ATP23: variants seen among roughly 807,000 people sequenced by gnomAD.
ATP23 encodes the protein ATP23 metallopeptidase and ATP synthase assembly factor homolog, also known as mitochondrial inner membrane protease ATP23 homolog.
ATP23 carries 24 observed loss-of-function variants against 28.5 expected under a neutral mutation model. The ratio of observed to expected loss-of-function variants is 0.84; its 90% CI spans 0.61 to 1.18. The LOEUF (loss-of-function observed/expected upper bound fraction) is 1.18, where lower values mean the gene tolerates loss of function less well. Among genes scored for constraint, ATP23 ranks in the 50% most tolerant of loss-of-function variants. ATP23 has a pLI of 0.00. For synonymous variants in ATP23, 99 were observed against 108.6 expected (o/e 0.91, Z 0.55); for missense variants, 274 against 306.4 (o/e 0.89, Z 0.79).
chr12:57,946,195 T>A (rs1006704922), intron 2 of ATP23, among the ~76,000 whole-genome samples: 4 of 152,026 alleles, frequency 2.6e-5, no homozygotes, highest in African/African-American at 9.7e-5. Context: ...ACCATTCACC[T>A]TGGGTGATTA....
chr12:57,942,684 A>G (rs936058236), intron 1 of ATP23, among the ~76,000 whole-genome samples: 1 of 152,026 alleles, frequency 6.6e-6, no homozygotes, highest in South Asian at 2.1e-4. Flanking sequence ...CGGCCTCCCA[A>G]AGTGCTGGGA....
At chr12:57,943,407 C>T (rs997066150) in intron 1 of ATP23, among the ~76,000 whole-genome samples, 7 of 152,034 alleles carry the variant, frequency 4.6e-5, no homozygotes, top group Non-Finnish European at 8.8e-5. Flanking sequence ...GGGCTGGGTA[C>T]GGTGGCTCAT....
intron 3 of ATP23, chr12:57,949,899 A>G (rs1316467898): frequency 6.6e-6 from 1 of 152,344 alleles, no homozygotes; most frequent in Non-Finnish European, 1.5e-5. Flanking sequence ...TTAGTTTTGC[A>G]TATCTCAGTG....
intron 2 of ATP23, 78 bp downstream of exon 2, chr12:57,945,751 T>TTG: frequency 7.6e-7 from 1 of 1,321,034 alleles, no homozygotes; most frequent in Non-Finnish European, 1.1e-6. Flanking sequence ...TTAAGAGAAC[T>TTG]GCTTAAGATT....
At position 57,941,869 on chromosome 12, in the gene ATP23, C is replaced by A. The variant is rs1332016928; in HGVS notation, c.168C>A (p.Leu56=). 40 of 1,613,520 alleles carry A rather than the reference C, an allele frequency of 2.5e-5. No homozygotes were observed. Among genetic ancestry groups the A allele is most frequent in the Non-Finnish European group, 3.4e-5 (40 of 1,179,796 alleles). ...FTSNQKCQLR[L]LKTLETNPYV... The stretch of plus-strand genomic sequence containing the variant: ...GCAACCAGAAGTGCCAGCTTAGGCT[C>A]CTGAAGACGCTGGAGACAAGTAGGA... The change falls in exon 1 of 6, where the codon CTC becomes CTA. Residue 56 remains leucine (L), a synonymous_variant. Coordinates refer to ENST00000300145, the MANE Select transcript of ATP23 (RefSeq NM_033276.4).
intron 2 of ATP23, 118 bp downstream of exon 2, chr12:57,945,791 G>T: frequency 1.2e-6 from 1 of 864,934 alleles, no homozygotes; most frequent in South Asian, 1.5e-5. Context: ...TTTTCCATAG[G>T]GTAAATAGAG....
At chr12:57,953,746 A>G in intron 5 of ATP23, 57 bp downstream of exon 5, 3 of 1,433,646 alleles carry the variant, frequency 2.1e-6, no homozygotes, top group Non-Finnish European at 2.9e-6. Flanking sequence ...GAAATAATGA[A>G]TAAAGAAATG....
intron 1 of ATP23, among the ~76,000 whole-genome samples, chr12:57,942,962 A>G (rs986783078): frequency 1.3e-5 from 2 of 152,214 alleles, no homozygotes; most frequent in Non-Finnish European, 1.5e-5. Flanking sequence ...AGTCTTAAAC[A>G]TACTTGTCCC....
At chr12:57,949,375 C>G (rs1956793905) in intron 3 of ATP23, among the ~76,000 whole-genome samples, 1 of 152,164 alleles carries the variant, frequency 6.6e-6, no homozygotes, top group Non-Finnish European at 1.5e-5. Context: ...CCAAGGAGGT[C>G]TCATCAATTT....
At chr12:57,942,006 G>A in intron 1 of ATP23, 118 bp downstream of exon 1, 1 of 1,256,772 alleles carries the variant, frequency 8.0e-7, no homozygotes, top group Admixed American at 3.2e-5. Flanking sequence ...AGTCTAGACA[G>A]ACTGGGCATC....
At chr12:57,941,980 T>G in intron 1 of ATP23, 92 bp downstream of exon 1, 1 of 1,485,722 alleles carries the variant, frequency 6.7e-7, no homozygotes, top group Non-Finnish European at 9.1e-7. Flanking sequence ...GGCCAGGGGC[T>G]TCAGGTTCAG....
chr12:57,958,486 C>A lies in ATP23; in HGVS notation c.*1596C>A, dbSNP rs565544392. 7.9e-5 allele frequency among the ~76,000 whole-genome samples: 12 copies of A among 152,176 alleles called. No homozygotes were observed. The highest frequency in any genetic ancestry group is 3.4e-3 in the Middle Eastern group (1 of 294). On this transcript the variant is annotated 3_prime_UTR_variant, in exon 6 of 6. Coordinates refer to ENST00000300145, the MANE Select transcript of ATP23 (RefSeq NM_033276.4). ...AGAACCCTCATGGAGTCCATTGCAC[C>A]CCCCCTGCCACCTCCACTGGAACAG...
At chr12:57,944,543 C>T (rs564969472) in intron 1 of ATP23, among the ~76,000 whole-genome samples, 1 of 152,190 alleles carries the variant, frequency 6.6e-6, no homozygotes, top group East Asian at 1.9e-4. Context: ...TGTGCTATTG[C>T]TGGCCAGATA....
At position 57,958,246 on chromosome 12, in the gene ATP23, C is replaced by T. The variant is rs1403673709; in HGVS notation, c.*1356C>T. On this transcript the variant is annotated 3_prime_UTR_variant, in exon 6 of 6. Transcript: ENST00000300145. Reference sequence around the variant, plus strand: ...ACAGCAAGACCTGCCCAAGGAGAGTCTGAGCTCAGACATGTCTATCCCTGC... The same window carrying T: ...ACAGCAAGACCTGCCCAAGGAGAGTTTGAGCTCAGACATGTCTATCCCTGC... Among the ~76,000 whole-genome samples the T allele has an allele frequency of 6.6e-6, 1 of 152,170 alleles. No individual in the cohort carries two copies. The highest frequency in any genetic ancestry group is 1.5e-5 in the Non-Finnish European group (1 of 68,032).
rs1956881495 is a variant in ATP23, at chr12:57,957,625, G to A, written c.*735G>A. Among the ~76,000 whole-genome samples, 1 of 152,150 alleles carries A rather than the reference G, an allele frequency of 6.6e-6. No individual in the cohort carries two copies. The highest frequency in any genetic ancestry group is 2.4e-5 in the African/African-American group (1 of 41,444). Reference sequence around the variant, plus strand: ...CTCCCACACACACCCCCCCACTGGAGAAACTGAAGGTCTGTTTGTGGGAGA... The same window carrying A: ...CTCCCACACACACCCCCCCACTGGAAAAACTGAAGGTCTGTTTGTGGGAGA... On this transcript the variant is annotated 3_prime_UTR_variant, in exon 6 of 6. Coordinates refer to ENST00000300145, the MANE Select transcript of ATP23 (RefSeq NM_033276.4).
At position 57,951,742 on chromosome 12, in the gene ATP23, T is replaced by C; in HGVS notation, c.316-16T>C. On this transcript the variant is annotated splice_polypyrimidine_tract_variant and intron_variant, in intron 3 of 5. Transcript: ENST00000300145. ...TTTTAGAATCACTGAACTTCTTTTATTTTGGTGTCTCCTAGATAGTTTTGT... is the reference window on the plus strand; with the variant it reads ...TTTTAGAATCACTGAACTTCTTTTACTTTGGTGTCTCCTAGATAGTTTTGT... The C allele has an allele frequency of 6.2e-7, 1 of 1,610,050 alleles. No homozygotes were observed. The highest frequency in any genetic ancestry group is 8.5e-7 in the Non-Finnish European group (1 of 1,176,792).
In ATP23 at chr12:57,953,691, T is replaced by C; in HGVS notation, c.537+2T>C. ...TTTGGATTAAAACAACACCACCAGG[T>C]AAAAACTAATATGAAATCACTTCCC... On this transcript the variant is annotated splice_donor_variant, in intron 5 of 5. Coordinates refer to ENST00000300145, the MANE Select transcript of ATP23 (RefSeq NM_033276.4). LOFTEE classifies it high-confidence loss of function. 1 of 1,610,806 alleles carries C rather than the reference T, an allele frequency of 6.2e-7. No homozygotes were observed. The highest frequency in any genetic ancestry group is 8.5e-7 in the Non-Finnish European group (1 of 1,177,106).
rs142183224 is a variant in ATP23, at chr12:57,944,498, G to A, written c.188-1130G>A. Among the ~76,000 whole-genome samples the A allele has an allele frequency of 2.9e-3, 442 of 152,322 alleles. 3 individuals are homozygous for A. Among genetic ancestry groups the A allele is most frequent in the Non-Finnish European group, 4.9e-3 (330 of 68,034 alleles). On this transcript the variant is annotated intron_variant, in intron 1 of 5. Coordinates refer to ENST00000300145, the MANE Select transcript of ATP23 (RefSeq NM_033276.4). ...AGATGTGGAAGGGCCCTCAGGAATC[G>A]TCTAGGCCTCCCCGTCCCCTTACAG...
intron 3 of ATP23, chr12:57,949,970 CCT>C (rs1418418977): frequency 6.6e-6 from 1 of 152,144 alleles, no homozygotes; most frequent in Non-Finnish European, 1.5e-5. Context: ...CTTTGATACC[CCT>C]GATTCCTTCC....
Sources: gnomAD v4.1 joint callset for allele counts (sites outside exome capture counted in the v4.1 genomes callset) on GRCh38, gnomAD v4.1.1 for gene constraint, MANE v1.5 for transcripts, NCBI Gene and HGNC (gene_info 2026-07-23, HGNC 2026-07-21) for gene names.